CCDC146: variants seen among roughly 807,000 people sequenced by gnomAD.
The protein encoded by CCDC146 is coiled-coil domain containing 146, also known as coiled-coil domain-containing protein 146.
In CCDC146, 92 loss-of-function variants were observed where a neutral mutation model predicts 119.3. The observed-to-expected ratio is 0.77, with a 90% CI of 0.65 to 0.92. The LOEUF (loss-of-function observed/expected upper bound fraction) is 0.92. Among genes scored for constraint, CCDC146 ranks in the 40% least tolerant of loss-of-function variants. The pLI, the probability that CCDC146 is intolerant of heterozygous loss-of-function variation, is 0.00. For synonymous variants in CCDC146, 372 were observed against 371.8 expected (o/e 1.00, Z -0.01); for missense variants, 1,000 against 1,103.0 (o/e 0.91, Z 1.32).
At chr7:77,160,468 T>C (rs1452855720) in intron 1 of CCDC146, among the ~76,000 whole-genome samples, 1 of 152,194 alleles carries the variant, frequency 6.6e-6, no homozygotes, top group East Asian at 1.9e-4. Context: ...GTAGTTCTCC[T>C]TGAAGAGGTC....
intron 3 of CCDC146, among the ~76,000 whole-genome samples, chr7:77,240,962 G>C: frequency 6.9e-6 from 1 of 144,500 alleles, no homozygotes. Flanking sequence ...AAATCACGTT[G>C]ACATTTTTTG....
At chr7:77,135,420 T>A (rs1182447730) in intron 1 of CCDC146, among the ~76,000 whole-genome samples, 2 of 149,034 alleles carry the variant, frequency 1.3e-5, no homozygotes, top group East Asian at 3.9e-4. Flanking sequence ...GCCAGAAGAT[T>A]CAGGCTGCAG....
At chr7:77,262,385 T>C in intron 9 of CCDC146, 78 bp downstream of exon 9, 1 of 1,166,916 alleles carries the variant, frequency 8.6e-7, no homozygotes, top group East Asian at 2.5e-5. Flanking sequence ...GAAGTTGTTT[T>C]TGCTGCCAGT....
chr7:77,270,235 T>G (rs1730903429), intron 9 of CCDC146, among the ~76,000 whole-genome samples: 1 of 152,178 alleles, frequency 6.6e-6, no homozygotes, highest in Non-Finnish European at 1.5e-5. Flanking sequence ...ATTCATGCAT[T>G]GAAAATGCCT....
At chr7:77,180,468 G>A (rs958300072) in intron 2 of CCDC146, among the ~76,000 whole-genome samples, 3 of 152,194 alleles carry the variant, frequency 2.0e-5, no homozygotes, top group Non-Finnish European at 4.4e-5. Context: ...GGAGGGTAAG[G>A]CAGGCAGATT....
intron 17 of CCDC146, among the ~76,000 whole-genome samples, chr7:77,290,941 A>G: frequency 6.6e-6 from 1 of 152,308 alleles, no homozygotes; most frequent in African/African-American, 2.4e-5. Flanking sequence ...GCATGTCCCA[A>G]TTTATCCTGG....
intron 1 of CCDC146, among the ~76,000 whole-genome samples, chr7:77,150,067 C>T (rs1003666514): frequency 2.6e-5 from 4 of 151,150 alleles, no homozygotes; most frequent in African/African-American, 9.7e-5. Flanking sequence ...AAAGATCTAA[C>T]TATAAGAGTT....
chr7:77,282,245 G>A, intron 14 of CCDC146: 1 of 261,664 alleles, frequency 3.8e-6, no homozygotes, highest in Non-Finnish European at 7.3e-6. Context: ...CAGACTATGG[G>A]ATCACTTTGT....
At chr7:77,284,394 C>T (rs1793813994) in intron 15 of CCDC146, among the ~76,000 whole-genome samples, 4 of 151,964 alleles carry the variant, frequency 2.6e-5, no homozygotes, top group Non-Finnish European at 5.9e-5. Flanking sequence ...AGATTGCCCC[C>T]AGGAACTCCA....
chr7:77,145,254 A>G (rs1259636376), intron 1 of CCDC146, among the ~76,000 whole-genome samples: 6 of 151,616 alleles, frequency 4.0e-5, no homozygotes, highest in Non-Finnish European at 4.4e-5. Flanking sequence ...CTGTGGGATC[A>G]GTGGTGATAT....
intron 17 of CCDC146, among the ~76,000 whole-genome samples, chr7:77,290,465 T>C (rs1035876137): frequency 2.0e-5 from 3 of 152,092 alleles, no homozygotes; most frequent in Non-Finnish European, 4.4e-5. Flanking sequence ...GGAAATTCAT[T>C]TAAAAAAGGA....
chr7:77,243,538 C>A (rs1239204977), intron 4 of CCDC146, among the ~76,000 whole-genome samples: 2 of 152,192 alleles, frequency 1.3e-5, no homozygotes, highest in Admixed American at 6.5e-5. Context: ...TCATGCACCA[C>A]ATAATGGTGT....
chr7:77,273,131 T>G (rs1793558110), intron 9 of CCDC146, among the ~76,000 whole-genome samples: 2 of 152,174 alleles, frequency 1.3e-5, no homozygotes. Flanking sequence ...CTCCCTGGGT[T>G]TACACCTGCA....
chr7:77,287,722 C>G, intron 17 of CCDC146, 145 bp downstream of exon 17: 1 of 827,466 alleles, frequency 1.2e-6, no homozygotes, highest in Non-Finnish European at 1.8e-6. Flanking sequence ...AAGGATGACT[C>G]AGAGAATTGT....
At chr7:77,155,753 C>T (rs1195308377) in intron 1 of CCDC146, among the ~76,000 whole-genome samples, 6 of 152,090 alleles carry the variant, frequency 3.9e-5, no homozygotes. Context: ...GCGCCCTGAA[C>T]AAGAGTGCTT....
intron 5 of CCDC146, among the ~76,000 whole-genome samples, chr7:77,254,969 C>CT (rs1304797164): frequency 6.6e-6 from 1 of 152,220 alleles, no homozygotes; most frequent in Non-Finnish European, 1.5e-5. Context: ...CATCCCAGAA[C>CT]TTAGTGGCTT....
At chr7:77,139,981 G>GCCT (rs1790911086) in intron 1 of CCDC146, among the ~76,000 whole-genome samples, 1 of 150,298 alleles carries the variant, frequency 6.7e-6, no homozygotes, top group Non-Finnish European at 1.5e-5. Flanking sequence ...TGCAACCTCC[G>GCCT]CCTCCTGGGT....
At chr7:77,219,766 A>G (rs1417900404) in intron 2 of CCDC146, among the ~76,000 whole-genome samples, 1 of 152,214 alleles carries the variant, frequency 6.6e-6, no homozygotes, top group Non-Finnish European at 1.5e-5. Context: ...CGGGGGTGAC[A>G]TCACATGTCG....
chr7:77,275,532 G>T (rs770139912), intron 11 of CCDC146, among the ~76,000 whole-genome samples: 3 of 152,168 alleles, frequency 2.0e-5, no homozygotes, highest in Non-Finnish European at 2.9e-5. Flanking sequence ...CAGTGGACAG[G>T]GCTGGCAGCT....
Sources: allele counts gnomAD v4.1 joint callset (sites outside exome capture counted in the v4.1 genomes callset), GRCh38; gene constraint gnomAD v4.1.1; transcripts MANE v1.5; gene names NCBI Gene and HGNC (gene_info 2026-07-23, HGNC 2026-07-21).